HTR1F: variants seen among roughly 807,000 people sequenced by gnomAD.
The protein encoded by HTR1F is 5-hydroxytryptamine (serotonin) receptor 1F, G protein-coupled.
Under a neutral mutation model 24.0 loss-of-function variants are expected in HTR1F, and 17 were observed. The observed-to-expected ratio is 0.71, with a 90% confidence interval of 0.48 to 1.06. The LOEUF is 1.06. HTR1F is among the 50% of genes least tolerant of loss of function. HTR1F has a pLI of 0.00. For synonymous variants in HTR1F, 186 were observed against 156.8 expected, an observed-to-expected ratio of 1.19 and a Z score of -1.39; for missense variants, 391 against 427.8, an observed-to-expected ratio of 0.91 and a Z score of 0.76.
At chr3:87,857,655 C>T (rs1473010874) in intron 2 of HTR1F, among the ~76,000 whole-genome samples, 1 of 152,044 alleles carries the variant, frequency 6.6e-6, no homozygotes, top group Non-Finnish European at 1.5e-5. Flanking sequence ...ACATATATCC[C>T]CACATATGCA....
intron 2 of HTR1F, among the ~76,000 whole-genome samples, chr3:87,983,105 G>C (rs1705587602): frequency 6.6e-6 from 1 of 152,096 alleles, no homozygotes; most frequent in Non-Finnish European, 1.5e-5. Flanking sequence ...GAAAGAATAG[G>C]TCAGACATCT....
At chr3:87,923,131 T>G (rs1704047213) in intron 2 of HTR1F, among the ~76,000 whole-genome samples, 1 of 152,118 alleles carries the variant, frequency 6.6e-6, no homozygotes, top group African/African-American at 2.4e-5. Context: ...ATGTATCTTT[T>G]ATTATGTTGG....
At chr3:87,870,669 G>A (rs1380413196) in intron 2 of HTR1F, among the ~76,000 whole-genome samples, 1 of 152,024 alleles carries the variant, frequency 6.6e-6, no homozygotes. Flanking sequence ...GAGCAGTGAT[G>A]GAGATATAGC....
intron 2 of HTR1F, among the ~76,000 whole-genome samples, chr3:87,983,132 C>T (rs1705588194): frequency 6.6e-6 from 1 of 152,094 alleles, no homozygotes; most frequent in Non-Finnish European, 1.5e-5. Context: ...CACAAGCACA[C>T]CCCTAAGTTG....
chr3:87,912,830 C>A (rs1703809698), intron 2 of HTR1F, among the ~76,000 whole-genome samples: 1 of 151,968 alleles, frequency 6.6e-6, no homozygotes, highest in African/African-American at 2.4e-5. Flanking sequence ...CAAAAATGAG[C>A]AATGAGGAAA....
intron 2 of HTR1F, among the ~76,000 whole-genome samples, chr3:87,914,938 T>A (rs1389889852): frequency 1.3e-5 from 2 of 152,072 alleles, no homozygotes; most frequent in African/African-American, 4.8e-5. Flanking sequence ...TCACAGAGTC[T>A]ATTTCACCCC....
At chr3:87,940,133 T>C (rs1004389026) in intron 2 of HTR1F, among the ~76,000 whole-genome samples, 1 of 152,214 alleles carries the variant, frequency 6.6e-6, no homozygotes, top group Non-Finnish European at 1.5e-5. Flanking sequence ...CCAGTAGTCA[T>C]TCAGGAGCAG....
chr3:87,979,090 A>AGGG (rs1705481897), intron 2 of HTR1F, among the ~76,000 whole-genome samples: 1 of 4,876 alleles, frequency 2.1e-4, no homozygotes, highest in Non-Finnish European at 7.3e-4. Flanking sequence ...GGAGGAAGGA[A>AGGG]GGAAGGAAGG....
At chr3:87,816,796 C>A (rs1472025452) in intron 1 of HTR1F, among the ~76,000 whole-genome samples, 2 of 152,024 alleles carry the variant, frequency 1.3e-5, no homozygotes, top group Non-Finnish European at 2.9e-5. Flanking sequence ...TCAGTAAATG[C>A]ATGTTTAACT....
At chr3:87,931,896 T>G (rs1267284312) in intron 2 of HTR1F, among the ~76,000 whole-genome samples, 4 of 151,442 alleles carry the variant, frequency 2.6e-5, no homozygotes, top group Non-Finnish European at 4.4e-5. Context: ...GATGGGGTTG[T>G]TTTTTTCTTG....
At chr3:87,920,275 TAA>T (rs768864173) in intron 2 of HTR1F, among the ~76,000 whole-genome samples, 7 of 151,718 alleles carry the variant, frequency 4.6e-5, no homozygotes, top group Admixed American at 6.6e-5. Flanking sequence ...GGGTGAGGGA[TAA>T]AAGACTACGA....
intron 2 of HTR1F, among the ~76,000 whole-genome samples, chr3:87,904,533 AC>A (rs1304967093): frequency 6.6e-6 from 1 of 152,152 alleles, no homozygotes; most frequent in African/African-American, 2.4e-5. Context: ...AGCATACAAT[AC>A]TACACAGCAA....
intron 2 of HTR1F, among the ~76,000 whole-genome samples, chr3:87,881,534 A>G (rs1705800017): frequency 6.6e-6 from 1 of 152,206 alleles, no homozygotes; most frequent in Non-Finnish European, 1.5e-5. Context: ...CAGACAGAAC[A>G]GAGCCCTCAG....
In HTR1F at chr3:87,945,846, G is replaced by A. The variant is rs565274611; in HGVS notation, c.-42-44862G>A. Among the ~76,000 whole-genome samples, 22 of 151,852 alleles carry A rather than the reference G, an allele frequency of 1.4e-4. No individual in the cohort carries two copies. The East Asian group carries it at 1.6e-3, about 11-fold the overall frequency. On this transcript the variant is annotated intron_variant, in intron 2 of 2. Transcript: ENST00000319595. ...CGGCTTTAGAGGTCCCTTCTTGGTC[G>A]CCAAAATGTTACCGGGGGGGTCCTT...
At chr3:87,811,156 AC>A (rs1704154148) in intron 1 of HTR1F, among the ~76,000 whole-genome samples, 1 of 152,156 alleles carries the variant, frequency 6.6e-6, no homozygotes, top group Non-Finnish European at 1.5e-5. Context: ...TTATATATGA[AC>A]CATAGTGGCA....
intron 2 of HTR1F, among the ~76,000 whole-genome samples, chr3:87,933,385 A>G (rs1044423633): frequency 3.3e-5 from 5 of 152,108 alleles, no homozygotes; most frequent in Admixed American, 6.6e-5. Context: ...AATAAAGGGT[A>G]TTCAATTAGG....
intron 1 of HTR1F, among the ~76,000 whole-genome samples, chr3:87,810,862 G>T (rs1704148596): frequency 6.6e-6 from 1 of 152,144 alleles, no homozygotes; most frequent in African/African-American, 2.4e-5. Context: ...CAGTTACTTT[G>T]CACAGGAGTT....
At chr3:87,965,802 A>C (rs142995340) in intron 2 of HTR1F, among the ~76,000 whole-genome samples, 164 of 152,324 alleles carry the variant, frequency 1.1e-3, no homozygotes, top group African/African-American at 3.8e-3. Flanking sequence ...GTGCCTGTGA[A>C]TTCTTCTTCA....
At chr3:87,902,410 A>T (rs1471222391) in intron 2 of HTR1F, among the ~76,000 whole-genome samples, 3 of 152,070 alleles carry the variant, frequency 2.0e-5, no homozygotes, top group African/African-American at 4.8e-5. Context: ...GGGGAAAAAA[A>T]GTCAATTCCA....
Sources: gnomAD v4.1 joint callset for allele counts (sites outside exome capture counted in the v4.1 genomes callset) on GRCh38, gnomAD v4.1.1 for gene constraint, MANE v1.5 for transcripts, NCBI Gene and HGNC (gene_info 2026-07-23, HGNC 2026-07-21) for gene names.